The following RASA3 variants were observed in gnomAD, a reference collection of about 807,000 sequenced individuals.
The protein encoded by RASA3 is ras GTPase-activating protein 3.
A neutral mutation model predicts 110.0 loss-of-function variants in RASA3; 73 were observed. The observed-to-expected ratio is 0.66, with a 90% CI of 0.55 to 0.81. RASA3 has a LOEUF of 0.81. Ranked by LOEUF, RASA3 falls within the 30% of genes least tolerant of loss-of-function variation. The pLI is 0.00. For synonymous variants in RASA3, 500 were observed against 451.4 expected, an observed-to-expected ratio of 1.11 and a Z score of -1.37; for missense variants, 976 against 1,113.2, an observed-to-expected ratio of 0.88 and a Z score of 1.75.
At chr13:114,051,015 C>T (rs561039760) in intron 3 of RASA3, among the ~76,000 whole-genome samples, 9 of 152,314 alleles carry the variant, frequency 5.9e-5, no homozygotes, top group East Asian at 1.9e-4. Context: ...GTGGAGCGGC[C>T]GTGACACGGT....
chr13:114,001,280 A>C (rs1380788318), intron 18 of RASA3, among the ~76,000 whole-genome samples: 21 of 136,180 alleles, frequency 1.5e-4, no homozygotes, highest in South Asian at 2.5e-4. Context: ...AGGGTCAGGG[A>C]GGGCAGCGGA....
chr13:114,080,037 G>A (rs1238914848), intron 1 of RASA3, among the ~76,000 whole-genome samples: 2 of 152,246 alleles, frequency 1.3e-5, no homozygotes, highest in Non-Finnish European at 2.9e-5. Context: ...GAAATAGGCA[G>A]AACTCGGCGA....
rs144228038 is a variant in RASA3 at position 114,016,233 on chromosome 13, C to A, written c.1245G>T (p.Val415=). 6.2e-7 allele frequency: 1 copy of A among 1,603,118 alleles called. No homozygotes were observed. Among genetic ancestry groups the A allele is most frequent in the Non-Finnish European group, 8.5e-7 (1 of 1,170,224 alleles). Residue 415 remains valine (V), a synonymous_variant, in exon 13 of 24, where the codon GTG becomes GTT. Transcript: ENST00000334062. ...CAAGGTTTTCTCCGTCTTTCAACTT[C>A]ACAGGGTCGATTTCACAGGGTTTGT... The part of the protein sequence containing the change: ...QSHKPCEIDP[V]KLKDGENLEN...
At chr13:114,130,582 G>C (rs1196901107) in intron 1 of RASA3, among the ~76,000 whole-genome samples, 1 of 152,054 alleles carries the variant, frequency 6.6e-6, no homozygotes, top group African/African-American at 2.4e-5. Flanking sequence ...GGCCGGTGAA[G>C]CTGCCTTCTG....
At chr13:113,998,626 G>C (rs907160338) in intron 20 of RASA3, among the ~76,000 whole-genome samples, 1 of 152,204 alleles carries the variant, frequency 6.6e-6, no homozygotes, top group Admixed American at 6.5e-5. Context: ...GCCGACTCTG[G>C]GAGGCCACCA....
rs551935962 is a variant in RASA3, at chr13:114,022,043, C to T, written c.681-535G>A. Among the ~76,000 whole-genome samples, 24 of 152,290 alleles carry T rather than the reference C, an allele frequency of 1.6e-4. No homozygotes were observed. In the South Asian group the frequency reaches 2.5e-3, roughly 16 times the overall value. On this transcript the variant is annotated intron_variant, in intron 8 of 23. Transcript: ENST00000334062. ...AGGCCCAGCACCAGCAGTCTGTGCA[C>T]GGCGGGCAAATGTAGAACCCTGTCT...
chr13:114,018,865 C>T lies in RASA3; in HGVS notation c.840G>A (p.Leu280=). The change falls in exon 10 of 24, where the codon CTG becomes CTA. Residue 280 remains leucine, a synonymous_variant. Coordinates refer to ENST00000334062, the MANE Select transcript of RASA3 (RefSeq NM_007368.4). ...ATACCACGTTCAGCCGCAGGGAGCCCAGGTCGTCTGGCTTTAGGCTCTTGC... is the reference window on the plus strand; with the variant it reads ...ATACCACGTTCAGCCGCAGGGAGCCTAGGTCGTCTGGCTTTAGGCTCTTGC... ...NGSKSLKPDD[L]GSLRLNVVYT... is the part of the protein sequence containing the mutation. 5.0e-6 allele frequency: 8 copies of T among 1,613,948 alleles called. No individual in the cohort carries two copies. The highest frequency in any genetic ancestry group is 6.8e-6 in the Non-Finnish European group (8 of 1,180,004).
intron 1 of RASA3, among the ~76,000 whole-genome samples, chr13:114,083,267 G>A (rs970456070): frequency 6.6e-6 from 1 of 152,236 alleles, no homozygotes; most frequent in African/African-American, 2.4e-5. Flanking sequence ...ATTTAATTCA[G>A]GGTAGCAAGA....
intron 3 of RASA3, among the ~76,000 whole-genome samples, chr13:114,049,881 C>T (rs983860770): frequency 1.3e-5 from 2 of 152,204 alleles, no homozygotes; most frequent in Non-Finnish European, 2.9e-5. Flanking sequence ...CCACAACCAA[C>T]GAGTGGGGCA....
chr13:114,017,883 C>T (rs894616175), intron 11 of RASA3, among the ~76,000 whole-genome samples: 1 of 151,810 alleles, frequency 6.6e-6, no homozygotes, highest in African/African-American at 2.4e-5. Context: ...CCCCTCCCCA[C>T]TCACTCACTC....
chr13:113,979,467 C>A (rs746178600), intron 23 of RASA3, 45 bp from the exon 24 acceptor site: 4 of 1,473,986 alleles, frequency 2.7e-6, no homozygotes. Context: ...GACCCCGTTG[C>A]CTGGTGCTCA....
rs145043390 is a variant in RASA3, at chr13:114,069,281, C to T, written c.173+4439G>A. On this transcript the variant is annotated intron_variant, in intron 2 of 23. Transcript: ENST00000334062. ...GGGAATGTGAGAAGGGGCTCCTGCC[C>T]GGCTGCAGACCCAGCGGCCAGAGAG... 2.8e-3 allele frequency among the ~76,000 whole-genome samples: 422 copies of T among 152,014 alleles called. 2 individuals carry two copies. Among genetic ancestry groups the T allele is most frequent in the Non-Finnish European group, 5.2e-3 (351 of 67,972 alleles).
chr13:114,123,703 G>A (rs2080408759), intron 1 of RASA3, among the ~76,000 whole-genome samples: 1 of 152,254 alleles, frequency 6.6e-6, no homozygotes, highest in South Asian at 2.1e-4. Flanking sequence ...AGGGGCTGAG[G>A]ACTCTGGCCC....
Position 114,018,930 on chromosome 13 carries a change from G to A in RASA3, c.786-11C>T, listed in dbSNP as rs764883417. On this transcript the variant is annotated splice_polypyrimidine_tract_variant and intron_variant, in intron 9 of 23. Coordinates refer to ENST00000334062, the MANE Select transcript of RASA3 (RefSeq NM_007368.4). Reference sequence around the variant, plus strand: ...GGCTGGAGGAAGTACCTGGGTGGGAGGGACACATGGAGGGGAGGCATGAGG... The same window carrying A: ...GGCTGGAGGAAGTACCTGGGTGGGAAGGACACATGGAGGGGAGGCATGAGG... 1.5e-5 allele frequency: 24 copies of A among 1,613,240 alleles called. No individual in the cohort carries two copies. The South Asian group carries it at 2.3e-4, about 16-fold the overall frequency.
chr13:114,020,884 T>C (rs1303045097), intron 9 of RASA3, among the ~76,000 whole-genome samples: 3 of 152,218 alleles, frequency 2.0e-5, no homozygotes, highest in African/African-American at 7.2e-5. Flanking sequence ...GGCGCAGCCC[T>C]GCTGTGTGCG....
intron 13 of RASA3, among the ~76,000 whole-genome samples, chr13:114,015,533 A>G (rs2053770796): frequency 6.6e-6 from 1 of 152,194 alleles, no homozygotes; most frequent in African/African-American, 2.4e-5. Flanking sequence ...AAATCACTAC[A>G]CAGGCACCAC....
intron 7 of RASA3, 46 bp from the exon 8 acceptor site, chr13:114,024,401 G>C: frequency 6.3e-7 from 1 of 1,580,852 alleles, no homozygotes; most frequent in African/African-American, 1.3e-5. Flanking sequence ...GGTGCCACCA[G>C]GCGGGGGTAT....
chr13:114,123,482 G>A (rs1022473873), intron 1 of RASA3, among the ~76,000 whole-genome samples: 1 of 152,220 alleles, frequency 6.6e-6, no homozygotes, highest in African/African-American at 2.4e-5. Context: ...GCAGAAATGG[G>A]AACTGGCTCC....
chr13:114,124,090 C>T (rs368485735), intron 1 of RASA3, among the ~76,000 whole-genome samples: 2 of 152,190 alleles, frequency 1.3e-5, no homozygotes, highest in African/African-American at 2.4e-5. Context: ...CGGTGTCTCT[C>T]GGGACCCAGG....
Sources: allele counts gnomAD v4.1 joint callset (sites outside exome capture counted in the v4.1 genomes callset), GRCh38; gene constraint gnomAD v4.1.1; transcripts MANE v1.5; gene names NCBI Gene and HGNC (gene_info 2026-07-23, HGNC 2026-07-21).